Variants in FBRSL1 observed in about 807,000 individuals in gnomAD.
FBRSL1 encodes fibrosin-1-like protein.
In FBRSL1, 51 loss-of-function variants were observed where a neutral mutation model predicts 89.6. The observed-to-expected ratio is 0.57, with a 90% CI of 0.45 to 0.72. The LOEUF (loss-of-function observed/expected upper bound fraction) is 0.72, where lower values mean the gene tolerates loss of function less well. Among genes scored for constraint, FBRSL1 ranks in the 30% least tolerant of loss-of-function variants. The probability of loss-of-function intolerance (pLI) is 0.00; values close to 1 mark genes in which losing one functional copy is unlikely to be tolerated. For synonymous variants in FBRSL1, 779 were observed against 681.1 expected, an observed-to-expected ratio of 1.14 and a Z score of -2.24; for missense variants, 1,618 against 1,451.8, an observed-to-expected ratio of 1.11 and a Z score of -1.86.
At chr12:132,491,967 A>G (rs982857666) in intron 1 of FBRSL1, among the ~76,000 whole-genome samples, 1 of 152,216 alleles carries the variant, frequency 6.6e-6, no homozygotes, top group South Asian at 2.1e-4. Context: ...CAGGCTGGCC[A>G]TCCTCTGTCC....
chr12:132,527,654 G>C (rs1490828986), intron 3 of FBRSL1, among the ~76,000 whole-genome samples: 2 of 146,192 alleles, frequency 1.4e-5, no homozygotes, highest in Non-Finnish European at 3.0e-5. Context: ...GGGGCTGCGG[G>C]GCAGGGTTGT....
At chr12:132,511,751 A>G in intron 2 of FBRSL1, 2 of 985,280 alleles carry the variant, frequency 2.0e-6, no homozygotes, top group Non-Finnish European at 2.4e-6. Context: ...GCACTTGCTC[A>G]TGAGGACCCC....
chr12:132,562,253 G>GC (rs973058348), intron 5 of FBRSL1, among the ~76,000 whole-genome samples: 9 of 152,146 alleles, frequency 5.9e-5, no homozygotes, highest in Admixed American at 2.6e-4. Flanking sequence ...CAACCTCCAG[G>GC]CCCCCTGGCT....
Position 132,509,523 on chromosome 12 carries a change from C to A in FBRSL1, c.489+1173C>A, listed in dbSNP as rs576618545. 42 of 1,234,878 alleles carry A rather than the reference C, an allele frequency of 3.4e-5. No individual in the cohort carries two copies. The South Asian group carries it at 3.7e-4, about 11-fold the overall frequency. The allele number at this position is 1,234,878 out of a possible 1,614,324, so 76.5% of individuals were successfully genotyped here. On this transcript the variant is annotated intron_variant, in intron 2 of 18. Transcript: ENST00000680143. ...GCCCTGCCGGCCGCATTGGGCACTC[C>A]CAGGCCCCAGGCAGTGCTGCAGGCG...
chr12:132,502,809 C>T (rs1365255137), intron 1 of FBRSL1, among the ~76,000 whole-genome samples: 3 of 123,456 alleles, frequency 2.4e-5, no homozygotes, highest in Admixed American at 8.0e-5. Flanking sequence ...CCGCCCCCTC[C>T]TGTCCCCGCC....
rs1344921447 is a variant in FBRSL1, at chr12:132,528,615, C to T, written c.615+627C>T. Reference sequence around the variant, plus strand: ...GGAGCGGGTGTCTGCCTGGGGGGAGCGGGTGTGTGTCCGGGGGAGCGGGTG... The same window carrying T: ...GGAGCGGGTGTCTGCCTGGGGGGAGTGGGTGTGTGTCCGGGGGAGCGGGTG... On this transcript the variant is annotated intron_variant, in intron 4 of 18. Coordinates refer to ENST00000680143, the MANE Select transcript of FBRSL1 (RefSeq NM_001367871.1). Among the ~76,000 whole-genome samples, 7 of 146,790 alleles carry T rather than the reference C, an allele frequency of 4.8e-5. No homozygotes were observed. In the South Asian group the frequency reaches 9.0e-4, roughly 19 times the overall value.
At chr12:132,508,098 G>A (rs571543219) in intron 1 of FBRSL1, 55 bp from the exon 2 acceptor site, 1 of 1,538,628 alleles carries the variant, frequency 6.5e-7, no homozygotes, top group South Asian at 1.2e-5. Flanking sequence ...TGCTGTCCTG[G>A]GCCCAAGGCC....
intron 5 of FBRSL1, among the ~76,000 whole-genome samples, chr12:132,558,699 G>A (rs1256143714): frequency 6.6e-6 from 1 of 152,260 alleles, no homozygotes; most frequent in Non-Finnish European, 1.5e-5. Context: ...AGCTTGCAGA[G>A]GGCTCCATCG....
At chr12:132,497,523 C>A (rs566733450) in intron 1 of FBRSL1, among the ~76,000 whole-genome samples, 4 of 152,074 alleles carry the variant, frequency 2.6e-5, no homozygotes, top group Non-Finnish European at 5.9e-5. Context: ...CCTCCGGACT[C>A]CCCCTCCATA....
chr12:132,505,739 G>A (rs2033604375), intron 1 of FBRSL1, among the ~76,000 whole-genome samples: 1 of 152,216 alleles, frequency 6.6e-6, no homozygotes, highest in Admixed American at 6.5e-5. Context: ...GTTGCTGTGG[G>A]GCCTCTGAAA....
chr12:132,574,030 G>A (rs1006064928), intron 11 of FBRSL1, 60 bp from the exon 12 acceptor site: 16 of 1,128,610 alleles, frequency 1.4e-5, no homozygotes, highest in African/African-American at 6.5e-5. Flanking sequence ...CAGGAAGCCC[G>A]AGGCGTCCTC....
At position 132,490,728 on chromosome 12, in the gene FBRSL1, C is replaced by A; in HGVS notation, c.158C>A (p.Pro53His). The A allele has an allele frequency of 1.0e-5, 10 of 986,676 alleles. No homozygotes were observed. The South Asian group carries it at 1.4e-4, about 13-fold the overall frequency. The allele number at this position is 986,676 out of a possible 1,614,324, so 61.1% of individuals were successfully genotyped here. Residue 53 changes from proline (P) to histidine (H), a missense_variant, in exon 1 of 19, where the codon CCC becomes CAC. Transcript: ENST00000680143. ...GKENAGLRGA[P>H]PRGAAPAPRT... Reference sequence around the variant, plus strand: ...GAGAACGCGGGCCTCCGCGGCGCGCCCCCCCGAGGCGCCGCCCCCGCGCCC... The same window carrying A: ...GAGAACGCGGGCCTCCGCGGCGCGCACCCCCGAGGCGCCGCCCCCGCGCCC...
In FBRSL1 at chr12:132,549,085, G is replaced by A. The variant is rs576443925; in HGVS notation, c.645+1053G>A. Among the ~76,000 whole-genome samples, 4 of 152,324 alleles carry A rather than the reference G, an allele frequency of 2.6e-5. No individual in the cohort carries two copies. In the East Asian group the frequency reaches 5.8e-4, roughly 22 times the overall value. ...ATTGGAGTCAGTGGCGGTGGCCGGG[G>A]GAGGAGGGTCTGGGCGGTTCAGTTT... On this transcript the variant is annotated intron_variant, in intron 5 of 18. Transcript: ENST00000680143.
intron 5 of FBRSL1, among the ~76,000 whole-genome samples, chr12:132,564,563 T>C (rs1444206231): frequency 3.6e-5 from 4 of 109,722 alleles, no homozygotes; most frequent in Non-Finnish European, 7.0e-5. Flanking sequence ...TGGTACGATC[T>C]CAGCTCACTG....
At chr12:132,508,715 A>T (rs2033982150) in intron 2 of FBRSL1, among the ~76,000 whole-genome samples, 1 of 152,262 alleles carries the variant, frequency 6.6e-6, no homozygotes, top group African/African-American at 2.4e-5. Flanking sequence ...GAGGGGGTCC[A>T]GGCTCATTGC....
intron 4 of FBRSL1, among the ~76,000 whole-genome samples, chr12:132,539,050 C>T (rs759531195): frequency 1.8e-4 from 28 of 151,988 alleles, no homozygotes; most frequent in Non-Finnish European, 3.5e-4. Context: ...CCCATGCACT[C>T]AGTCCTCAGT....
intron 4 of FBRSL1, among the ~76,000 whole-genome samples, chr12:132,536,661 A>C (rs2036776959): frequency 6.7e-6 from 1 of 149,656 alleles, no homozygotes; most frequent in African/African-American, 2.5e-5. Flanking sequence ...ACATGACCTC[A>C]TGCCATGTGT....
intron 15 of FBRSL1, among the ~76,000 whole-genome samples, chr12:132,577,193 C>T (rs548149876): frequency 6.6e-6 from 1 of 152,072 alleles, no homozygotes; most frequent in Admixed American, 6.5e-5. Context: ...GCTGCTGCTC[C>T]TCCCCACCAA....
chr12:132,539,850 C>T (rs1379591534), intron 4 of FBRSL1, among the ~76,000 whole-genome samples: 1 of 37,260 alleles, frequency 2.7e-5, no homozygotes, highest in Non-Finnish European at 5.1e-5. Context: ...CCCAGTCTCC[C>T]AGCCCCGTGC....
Sources: allele counts gnomAD v4.1 joint callset (sites outside exome capture counted in the v4.1 genomes callset), GRCh38; gene constraint gnomAD v4.1.1; transcripts MANE v1.5; gene names NCBI Gene and HGNC (gene_info 2026-07-23, HGNC 2026-07-21).